The following SRGAP2 variants were observed in gnomAD, a reference collection of about 807,000 sequenced individuals.
SRGAP2 encodes SLIT-ROBO Rho GTPase-activating protein 2.
In SRGAP2, 15 loss-of-function variants were observed where a neutral mutation model predicts 57.2. The observed-to-expected ratio is 0.26, with a 90% CI of 0.18 to 0.40. The LOEUF (loss-of-function observed/expected upper bound fraction) is 0.40. SRGAP2 is among the 10% of genes least tolerant of loss of function. SRGAP2 has a pLI of 1.00. For missense variants in SRGAP2, 520 were observed against 669.6 expected (o/e 0.78, Z 2.47); for synonymous variants, 249 against 248.0 (o/e 1.00, Z -0.04).
At chr1:206,410,760 G>A (rs1461806991) in intron 10 of SRGAP2, among the ~76,000 whole-genome samples, 1 of 152,184 alleles carries the variant, frequency 6.6e-6, no homozygotes, top group African/African-American at 2.4e-5. Flanking sequence ...CTGTATGAAT[G>A]TGCCATCATT....
chr1:206,438,864 G>A (rs146065685), intron 16 of SRGAP2, among the ~76,000 whole-genome samples: 2 of 152,322 alleles, frequency 1.3e-5, no homozygotes, highest in East Asian at 3.9e-4. Context: ...TACCTGCTGA[G>A]TTTCCAGTTT....
At chr1:206,447,425 G>A (rs1187692032) in intron 18 of SRGAP2, among the ~76,000 whole-genome samples, 1 of 152,190 alleles carries the variant, frequency 6.6e-6, no homozygotes, top group Non-Finnish European at 1.5e-5. Context: ...AGTGGCATTT[G>A]TGTTCTGTGA....
At chr1:206,456,580 T>A (rs1553378527) in intron 21 of SRGAP2, among the ~76,000 whole-genome samples, 3 of 152,198 alleles carry the variant, frequency 2.0e-5, no homozygotes, top group African/African-American at 7.2e-5. Flanking sequence ...GCATAGAAAT[T>A]GTAGAGAGTA....
At chr1:206,358,033 A>C (rs1212151609) in intron 4 of SRGAP2, among the ~76,000 whole-genome samples, 1 of 148,788 alleles carries the variant, frequency 6.7e-6, no homozygotes, top group African/African-American at 2.5e-5. Flanking sequence ...ACTTCCATTT[A>C]ATATAAGGTA....
At chr1:206,433,710 CAT>C (rs782683951) in intron 14 of SRGAP2, among the ~76,000 whole-genome samples, 5 of 150,840 alleles carry the variant, frequency 3.3e-5, no homozygotes, top group Admixed American at 1.3e-4. Context: ...CAGACAGTAA[CAT>C]ATAAACCTAA....
At chr1:206,274,795 G>C (rs1382594277) in intron 2 of SRGAP2, among the ~76,000 whole-genome samples, 1 of 152,188 alleles carries the variant, frequency 6.6e-6, no homozygotes, top group African/African-American at 2.4e-5. Context: ...GAGCTTTGCT[G>C]GCAACCGTAT....
intron 17 of SRGAP2, among the ~76,000 whole-genome samples, chr1:206,443,200 G>A (rs1198735770): frequency 6.6e-6 from 1 of 152,168 alleles, no homozygotes; most frequent in Non-Finnish European, 1.5e-5. Flanking sequence ...GTTCAAATCA[G>A]TTAGGAGAAT....
intron 4 of SRGAP2, among the ~76,000 whole-genome samples, chr1:206,345,751 C>A (rs1283930192): frequency 1.3e-5 from 2 of 152,024 alleles, no homozygotes; most frequent in Non-Finnish European, 2.9e-5. Flanking sequence ...GTGATCATGC[C>A]ACTGCACTCC....
chr1:206,386,259 C>T (rs1656239524), intron 5 of SRGAP2, among the ~76,000 whole-genome samples: 1 of 151,918 alleles, frequency 6.6e-6, no homozygotes, highest in South Asian at 2.1e-4. Flanking sequence ...ATCTTCTGAC[C>T]CACAAGATTG....
At chr1:206,251,707 T>A (rs1668842928) in intron 2 of SRGAP2, among the ~76,000 whole-genome samples, 1 of 89,560 alleles carries the variant, frequency 1.1e-5, no homozygotes, top group African/African-American at 5.7e-5. Context: ...TGGTTCTTTT[T>A]TTTTTTTTTT....
In SRGAP2 at chr1:206,419,406, T is replaced by C. The variant is rs372256851; in HGVS notation, c.1469+6T>C. On this transcript the variant is annotated splice_donor_region_variant and intron_variant, in intron 12 of 22. Transcript: ENST00000573034. ...ACAGATTGCAGTCTAGCCAGGTGAGTGTGGCCTGGGACAGGCCTGGGAAGT... is the reference window on the plus strand; with the variant it reads ...ACAGATTGCAGTCTAGCCAGGTGAGCGTGGCCTGGGACAGGCCTGGGAAGT... The C allele has an allele frequency of 2.9e-5, 23 of 780,636 alleles. No homozygotes were observed. The highest frequency in any genetic ancestry group is 5.1e-5 in the African/African-American group (3 of 59,120). The allele number at this position is 780,636 out of a possible 1,614,324, so 48.4% of individuals were successfully genotyped here.
At chr1:206,458,527 G>A in intron 21 of SRGAP2, 96 bp from the exon 22 acceptor site, 2 of 688,838 alleles carry the variant, frequency 2.9e-6, no homozygotes, top group South Asian at 3.2e-5. Flanking sequence ...TCCTTCCGAA[G>A]TCCCTGGGTG....
chr1:206,353,988 G>A lies in SRGAP2; in HGVS notation c.423+10980G>A, dbSNP rs868972491. Among the ~76,000 whole-genome samples, 36 of 151,716 alleles carry A rather than the reference G, an allele frequency of 2.4e-4. No homozygotes were observed. The Middle Eastern group carries it at 0.01, about 43-fold the overall frequency. Reference sequence around the variant, plus strand: ...CTAATTTTTTTAGAGATGGGGTCTCGCTGTGGTGCCCAGGCTAGGCTTGAA... The same window carrying A: ...CTAATTTTTTTAGAGATGGGGTCTCACTGTGGTGCCCAGGCTAGGCTTGAA... On this transcript the variant is annotated intron_variant, in intron 4 of 22. Coordinates refer to ENST00000573034, the MANE Select transcript of SRGAP2 (RefSeq NM_015326.5).
At chr1:206,213,114 C>T in intron 2 of SRGAP2, among the ~76,000 whole-genome samples, 1 of 152,270 alleles carries the variant, frequency 6.6e-6, no homozygotes, top group East Asian at 1.9e-4. Flanking sequence ...TCACTTGAAC[C>T]TGGGAGGCAG....
At chr1:206,374,019 CTTTTTTTTTT>C (rs56021600) in intron 4 of SRGAP2, among the ~76,000 whole-genome samples, 3 of 77,006 alleles carry the variant, frequency 3.9e-5, no homozygotes, top group African/African-American at 1.1e-4. Context: ...GATACACATT[CTTTTTTTTTT>C]TTTTTTTTTT....
chr1:206,301,380 A>C (rs1407145383), intron 2 of SRGAP2, among the ~76,000 whole-genome samples: 1 of 151,834 alleles, frequency 6.6e-6, no homozygotes, highest in Non-Finnish European at 1.5e-5. Context: ...ATTAGTAAGC[A>C]TTCTGAATGC....
At chr1:206,296,221 G>A (rs1671584863) in intron 2 of SRGAP2, among the ~76,000 whole-genome samples, 1 of 152,082 alleles carries the variant, frequency 6.6e-6, no homozygotes, top group East Asian at 1.9e-4. Context: ...TAGCAAGATG[G>A]TAGTGGCAGT....
intron 2 of SRGAP2, among the ~76,000 whole-genome samples, chr1:206,292,793 T>G (rs1671400278): frequency 6.6e-6 from 1 of 150,868 alleles, no homozygotes; most frequent in African/African-American, 2.5e-5. Context: ...TGCTGATGGC[T>G]CCCAAGTGTC....
chr1:206,394,686 A>G (rs1657397008), intron 7 of SRGAP2, among the ~76,000 whole-genome samples: 1 of 151,858 alleles, frequency 6.6e-6, no homozygotes, highest in South Asian at 2.1e-4. Flanking sequence ...GAAAGCGGCT[A>G]ATAGGCACAT....
Sources: gnomAD v4.1 joint callset for allele counts (sites outside exome capture counted in the v4.1 genomes callset) on GRCh38, gnomAD v4.1.1 for gene constraint, MANE v1.5 for transcripts, NCBI Gene and HGNC (gene_info 2026-07-23, HGNC 2026-07-21) for gene names.